The following UGT1A8 variants were observed in gnomAD, a reference collection of about 807,000 sequenced individuals.
UGT1A8 encodes the protein UDP glucuronosyltransferase family 1 member A8.
In UGT1A8, 39 loss-of-function variants were observed where a neutral mutation model predicts 45.3. That is an observed-to-expected ratio of 0.86 (90% CI 0.67 to 1.12). UGT1A8 has a LOEUF of 1.12. Among genes scored for constraint, UGT1A8 ranks in the 50% most tolerant of loss-of-function variants. The probability of loss-of-function intolerance (pLI) is 0.00; values close to 1 mark genes in which losing one functional copy is unlikely to be tolerated. For missense variants in UGT1A8, 719 were observed against 664.9 expected (o/e 1.08, Z -0.90); for synonymous variants, 275 against 249.2 (o/e 1.10, Z -0.97).
rs41270755 is a variant in UGT1A8 at position 233,713,136 on chromosome 2, C to T, written c.856-53898C>T. On this transcript the variant is annotated intron_variant, in intron 1 of 4. Transcript: ENST00000373450. The stretch of plus-strand genomic sequence containing the variant: ...CTGGCTCAGCATGCGGGAGGCCTTG[C>T]GGGACCTCCATGCGAGAGGCCACCA... The T allele has an allele frequency of 1.3e-3, 2,088 of 1,614,170 alleles. 4 individuals are homozygous for T. The highest frequency in any genetic ancestry group is 1.7e-3 in the Non-Finnish European group (1,948 of 1,180,016).
intron 1 of UGT1A8, among the ~76,000 whole-genome samples, chr2:233,749,397 T>C (rs756585861): frequency 1.2e-4 from 18 of 151,970 alleles, no homozygotes; most frequent in Admixed American, 2.0e-4. Context: ...TGTGAACATA[T>C]TCTCTAGTGT....
intron 1 of UGT1A8, among the ~76,000 whole-genome samples, chr2:233,697,697 G>T (rs192103056): frequency 1.3e-5 from 2 of 152,056 alleles, no homozygotes; most frequent in Non-Finnish European, 2.9e-5. Context: ...CTTTTTGGAT[G>T]TAGGCATTTA....
At chr2:233,744,115 T>G (rs556316328) in intron 1 of UGT1A8, 2 of 367,954 alleles carry the variant, frequency 5.4e-6, no homozygotes, top group East Asian at 1.5e-4. Flanking sequence ...CCCTGCTCTC[T>G]GTGAGGCTCT....
chr2:233,769,869 A>T lies in UGT1A8; in HGVS notation c.1295+1430A>T, dbSNP rs988879005. Reference sequence around the variant, plus strand: ...TGAGACCCTGTCTCAAAAAAAAAAAAAAAAATGAAAAGTCCACATAACCTG... The same window carrying T: ...TGAGACCCTGTCTCAAAAAAAAAAATAAAAATGAAAAGTCCACATAACCTG... On this transcript the variant is annotated intron_variant, in intron 4 of 4. Transcript: ENST00000373450. This position sits in a 1 kb window ranked among gnomAD's most constrained non-coding sequence, Gnocchi z 4.4. The T allele has an allele frequency of 3.7e-5, 17 of 465,504 alleles. No individual in the cohort carries two copies. Among genetic ancestry groups the T allele is most frequent in the Non-Finnish European group, 6.1e-5 (17 of 276,814 alleles). The allele number at this position is 465,504 out of a possible 1,614,324, so 28.8% of individuals were successfully genotyped here. A position where few individuals can be genotyped will look rare whatever the true frequency, so the allele number is the denominator to read the frequency against.
rs2076078557 is a variant in UGT1A8, at chr2:233,709,472, A to G, written c.856-57562A>G. ...TTTTAAAGCAATCATTTTGGGGCTT[A>G]TAAGTATTTAGTATTTGAAGTCTCT... is the stretch of plus-strand genomic sequence containing the variant. On this transcript the variant is annotated intron_variant, in intron 1 of 4. Coordinates refer to ENST00000373450, the MANE Select transcript of UGT1A8 (RefSeq NM_019076.5). Among the ~76,000 whole-genome samples the G allele has an allele frequency of 2.0e-5, 3 of 152,238 alleles. No homozygotes were observed. In the South Asian group the frequency reaches 6.2e-4, roughly 32 times the overall value.
intron 1 of UGT1A8, among the ~76,000 whole-genome samples, chr2:233,649,448 A>G (rs983288497): frequency 6.6e-6 from 1 of 152,202 alleles, no homozygotes; most frequent in Non-Finnish European, 1.5e-5. Context: ...CTGCAGTAAA[A>G]TGTTCTTTGC....
chr2:233,620,986 A>C (rs1215676256), intron 1 of UGT1A8, among the ~76,000 whole-genome samples: 2 of 152,138 alleles, frequency 1.3e-5, no homozygotes, highest in Non-Finnish European at 2.9e-5. Context: ...GTGTATGTGC[A>C]GGTGTGTTTG....
intron 1 of UGT1A8, among the ~76,000 whole-genome samples, 167 bp from the exon 2 acceptor site, chr2:233,766,867 G>A (rs568299850): frequency 5.3e-5 from 8 of 152,308 alleles, no homozygotes; most frequent in African/African-American, 1.7e-4. Flanking sequence ...AAGTAAAGGA[G>A]AGGAAAATGC....
intron 1 of UGT1A8, chr2:233,719,815 A>G: frequency 6.3e-7 from 1 of 1,582,596 alleles, no homozygotes; most frequent in Non-Finnish European, 8.6e-7. Context: ...TTTATAACAG[A>G]TAAACTGTTG....
At chr2:233,755,154 C>CT in intron 1 of UGT1A8, 2 of 1,296,006 alleles carry the variant, frequency 1.5e-6, no homozygotes, top group Non-Finnish European at 2.1e-6. Flanking sequence ...CGCTTCCTCC[C>CT]TGTCCTCGGG....
chr2:233,712,900 G>A, intron 1 of UGT1A8: 1 of 1,608,716 alleles, frequency 6.2e-7, no homozygotes, highest in Non-Finnish European at 8.5e-7. Context: ...GATTTGCTAG[G>A]TGTCTCAGTG....
intron 1 of UGT1A8, among the ~76,000 whole-genome samples, chr2:233,637,621 C>T (rs930324373): frequency 6.6e-6 from 1 of 152,008 alleles, no homozygotes; most frequent in Non-Finnish European, 1.5e-5. Flanking sequence ...TTTTAAAATA[C>T]GATGTTTAGA....
chr2:233,687,260 C>T (rs916820403), intron 1 of UGT1A8, among the ~76,000 whole-genome samples: 2 of 152,106 alleles, frequency 1.3e-5, no homozygotes, highest in Non-Finnish European at 2.9e-5. Context: ...TGATCTTAAC[C>T]ATGCATTCAG....
intron 1 of UGT1A8, among the ~76,000 whole-genome samples, chr2:233,662,024 C>T (rs1019463213): frequency 1.3e-5 from 2 of 152,166 alleles, no homozygotes; most frequent in African/African-American, 2.4e-5. Flanking sequence ...AACACTTGAA[C>T]TCCCTGCAAT....
chr2:233,754,247 A>G (rs1695429066), intron 1 of UGT1A8: 1 of 170,702 alleles, frequency 5.9e-6, no homozygotes, highest in Admixed American at 5.5e-5. Context: ...CACTTTCCCA[A>G]CGGAAAAAGG....
rs762827824 is a variant in UGT1A8 at position 233,693,652 on chromosome 2, G to C, written c.856-73382G>C. 1.9e-6 allele frequency: 3 copies of C among 1,614,184 alleles called. No individual in the cohort carries two copies. Among genetic ancestry groups the C allele is most frequent in the Non-Finnish European group, 1.7e-6 (2 of 1,180,030 alleles). On this transcript the variant is annotated intron_variant, in intron 1 of 4. Coordinates refer to ENST00000373450, the MANE Select transcript of UGT1A8 (RefSeq NM_019076.5). Reference sequence around the variant, plus strand: ...GAGTGGCCAACTTCCTTGTTAATTTGTTGGAGCCCTATCTATTTTATTGTC... The same window carrying C: ...GAGTGGCCAACTTCCTTGTTAATTTCTTGGAGCCCTATCTATTTTATTGTC...
chr2:233,737,526 G>A (rs574961545), intron 1 of UGT1A8, among the ~76,000 whole-genome samples: 8 of 152,286 alleles, frequency 5.3e-5, no homozygotes, highest in East Asian at 3.9e-4. Context: ...GTGAGGCGAC[G>A]CCCTGCCCTG....
At position 233,767,872 on chromosome 2, in the gene UGT1A8, C is replaced by G. The variant is rs997427896; in HGVS notation, c.1011C>G (p.Thr337=). The G allele has an allele frequency of 2.5e-6, 4 of 1,614,024 alleles. No homozygotes were observed. The highest frequency in any genetic ancestry group is 3.4e-6 in the Non-Finnish European group (4 of 1,180,044). ...PQTVLWRYTG[T]RPSNLANNTI... is the part of the protein sequence containing the mutation. The stretch of plus-strand genomic sequence containing the variant: ...AGGTCCTGTGGCGGTACACTGGAAC[C>G]CGACCATCGAATCTTGCGAACAACA... Residue 337 remains threonine (T), a synonymous_variant, in exon 3 of 5, where the codon ACC becomes ACG. Coordinates refer to ENST00000373450, the MANE Select transcript of UGT1A8 (RefSeq NM_019076.5).
intron 1 of UGT1A8, chr2:233,636,527 C>T: frequency 6.2e-7 from 1 of 1,611,840 alleles, no homozygotes; most frequent in Non-Finnish European, 8.5e-7. Context: ...TCTCTCATGG[C>T]TCGCGCAGGG....
Sources: allele counts gnomAD v4.1 joint callset (sites outside exome capture counted in the v4.1 genomes callset), GRCh38; gene constraint gnomAD v4.1.1; non-coding constraint Gnocchi (gnomAD v3.1); transcripts MANE v1.5; gene names NCBI Gene and HGNC (gene_info 2026-07-23, HGNC 2026-07-21).